DLG2: variants seen among roughly 807,000 people sequenced by gnomAD.
DLG2 encodes disks large homolog 2.
Under a neutral mutation model 132.5 loss-of-function variants are expected in DLG2, and 45 were observed. That is an observed-to-expected ratio of 0.34 (90% CI 0.27 to 0.44). DLG2 has a LOEUF of 0.44. Ranked by LOEUF, DLG2 falls within the 20% of genes least tolerant of loss-of-function variation. The pLI, the probability that DLG2 is intolerant of heterozygous loss-of-function variation, is 1.00. For missense variants in DLG2, 1,045 were observed against 1,196.9 expected, an observed-to-expected ratio of 0.87 and a Z score of 1.87; for synonymous variants, 424 against 419.6, an observed-to-expected ratio of 1.01 and a Z score of -0.13.
In DLG2 at chr11:84,862,816, T is replaced by TTGG. The variant is rs1334252973; in HGVS notation, c.357+248844_357+248845insCCA. On this transcript the variant is annotated intron_variant, in intron 6 of 27. Coordinates refer to ENST00000376104, the MANE Select transcript of DLG2 (RefSeq NM_001142699.3). ...GGGGGACATCACACACCAGGTCCTG[T>TTGG]CGGGGGGGGGGGGTGGGGGACTAGG... Among the ~76,000 whole-genome samples, 8 of 1,024 alleles carry TTGG rather than the reference T, an allele frequency of 7.8e-3. No individual in the cohort carries two copies. The East Asian group carries it at 0.31, about 39-fold the overall frequency. 0.7% of individuals were successfully genotyped at this position (1,024 alleles called of 152,430 possible).
intron 4 of DLG2, among the ~76,000 whole-genome samples, chr11:85,158,187 C>A (rs1418590159): frequency 6.6e-6 from 1 of 152,070 alleles, no homozygotes; most frequent in African/African-American, 2.4e-5. Context: ...ATCTGAAGAA[C>A]AGGCATGGGA....
intron 4 of DLG2, among the ~76,000 whole-genome samples, chr11:85,185,968 G>C (rs1393202112): frequency 6.6e-6 from 1 of 152,090 alleles, no homozygotes; most frequent in Non-Finnish European, 1.5e-5. Context: ...TTACAGCCAA[G>C]AGATTTTAAT....
At chr11:83,706,966 C>T (rs140568555) in intron 18 of DLG2, among the ~76,000 whole-genome samples, 32 of 152,336 alleles carry the variant, frequency 2.1e-4, no homozygotes, top group Admixed American at 2.0e-3. Flanking sequence ...AAGTAATTAA[C>T]ACTTATCATC....
At chr11:84,968,536 A>G (rs2053628730) in intron 6 of DLG2, among the ~76,000 whole-genome samples, 1 of 152,194 alleles carries the variant, frequency 6.6e-6, no homozygotes, top group African/African-American at 2.4e-5. Flanking sequence ...GGGTAATGGT[A>G]TTATAAAAAT....
At chr11:85,538,300 A>G (rs2153201281) in intron 3 of DLG2, among the ~76,000 whole-genome samples, 1 of 151,906 alleles carries the variant, frequency 6.6e-6, no homozygotes, top group East Asian at 1.9e-4. Flanking sequence ...GGCCATAAAG[A>G]CATTCTCTGA....
chr11:83,791,408 T>C, intron 17 of DLG2: 4 of 686,818 alleles, frequency 5.8e-6, no homozygotes, highest in Non-Finnish European at 1.1e-5. Flanking sequence ...TCGTCTTTCC[T>C]GTTGATATCG....
chr11:84,707,059 A>T (rs564278686), intron 6 of DLG2, among the ~76,000 whole-genome samples: 1 of 151,928 alleles, frequency 6.6e-6, no homozygotes, highest in East Asian at 1.9e-4. Context: ...TCTGGTCAGA[A>T]AAATCTGAAA....
chr11:85,195,669 G>A (rs1009027160), intron 4 of DLG2, among the ~76,000 whole-genome samples: 6 of 151,832 alleles, frequency 4.0e-5, no homozygotes, highest in Middle Eastern at 3.4e-3. Context: ...GACTACAGGC[G>A]CCCACCATCA....
At chr11:84,229,046 A>G (rs1388840120) in intron 8 of DLG2, among the ~76,000 whole-genome samples, 2 of 152,196 alleles carry the variant, frequency 1.3e-5, no homozygotes, top group African/African-American at 2.4e-5. Context: ...TATGTACTCT[A>G]TAGATGCTGG....
intron 9 of DLG2, among the ~76,000 whole-genome samples, chr11:84,121,751 C>T (rs574115826): frequency 6.6e-5 from 10 of 151,130 alleles, no homozygotes; most frequent in East Asian, 2.0e-4. Context: ...TTAGTAGAGA[C>T]GGGGTTTCAC....
chr11:85,379,732 A>T (rs1182756616), intron 3 of DLG2, among the ~76,000 whole-genome samples: 1 of 152,202 alleles, frequency 6.6e-6, no homozygotes, highest in South Asian at 2.1e-4. Context: ...ATTGGCAATG[A>T]TATTATAGAG....
Position 85,598,638 on chromosome 11 carries a change from T to C in DLG2, c.40+19A>G. ...CAATTCTGACCATTAAAATGATGAA[T>C]AACTTTCATAATACATACCTAGCAA... On this transcript the variant is annotated intron_variant, in intron 3 of 27. Coordinates refer to ENST00000376104, the MANE Select transcript of DLG2 (RefSeq NM_001142699.3). The C allele has an allele frequency of 2.0e-6, 3 of 1,526,442 alleles. No homozygotes were observed. The highest frequency in any genetic ancestry group is 2.6e-6 in the Non-Finnish European group (3 of 1,139,400). The allele number at this position is 1,526,442 out of a possible 1,614,324, so 94.6% of individuals were successfully genotyped here.
At chr11:85,239,380 T>A (rs2075762686) in intron 4 of DLG2, among the ~76,000 whole-genome samples, 1 of 152,124 alleles carries the variant, frequency 6.6e-6, no homozygotes, top group Non-Finnish European at 1.5e-5. Flanking sequence ...TAGTTTTTTA[T>A]AAAAGATTTC....
At chr11:85,354,959 A>G (rs2083579546) in intron 3 of DLG2, among the ~76,000 whole-genome samples, 1 of 152,044 alleles carries the variant, frequency 6.6e-6, no homozygotes, top group Non-Finnish European at 1.5e-5. Context: ...CCAAAGGATT[A>G]TAGCCCAGTA....
intron 6 of DLG2, among the ~76,000 whole-genome samples, chr11:84,796,285 A>C (rs1343813937): frequency 6.6e-6 from 1 of 152,172 alleles, no homozygotes; most frequent in Non-Finnish European, 1.5e-5. Context: ...AAAATGGATC[A>C]TTTTAACTTT....
At chr11:84,542,557 G>C (rs767433916) in intron 6 of DLG2, among the ~76,000 whole-genome samples, 9 of 152,186 alleles carry the variant, frequency 5.9e-5, no homozygotes, top group Non-Finnish European at 1.0e-4. Flanking sequence ...CAATAGGCCT[G>C]TGTTGACTGA....
chr11:85,413,692 T>C (rs1340269358), intron 3 of DLG2, among the ~76,000 whole-genome samples: 13 of 152,016 alleles, frequency 8.6e-5, no homozygotes, highest in Admixed American at 8.5e-4. Flanking sequence ...TTGGTTTGCT[T>C]TGTTGACGAT....
intron 3 of DLG2, among the ~76,000 whole-genome samples, chr11:85,465,454 G>A (rs560547983): frequency 1.3e-4 from 19 of 151,330 alleles, no homozygotes; most frequent in East Asian, 5.8e-4. Flanking sequence ...ATCCCTCCCC[G>A]CTCCCCCCAC....
intron 6 of DLG2, chr11:84,955,481 A>C (rs937983445): frequency 6.6e-6 from 1 of 152,158 alleles, no homozygotes; most frequent in Non-Finnish European, 1.5e-5. Context: ...AAATTAGAAT[A>C]AATTAACCGT....
Sources: gnomAD v4.1 joint callset for allele counts (sites outside exome capture counted in the v4.1 genomes callset) on GRCh38, gnomAD v4.1.1 for gene constraint, MANE v1.5 for transcripts, NCBI Gene and HGNC (gene_info 2026-07-23, HGNC 2026-07-21) for gene names.